Variants in DIP2C observed in about 807,000 individuals in gnomAD.
DIP2C encodes the protein DIP2 acetate--CoA ligase C (putative).
Under a neutral mutation model 192.4 loss-of-function variants are expected in DIP2C, and 33 were observed. That is an observed-to-expected ratio of 0.17 (90% CI 0.13 to 0.23). The LOEUF (loss-of-function observed/expected upper bound fraction) is 0.23, where lower values mean the gene tolerates loss of function less well. Ranked by LOEUF, DIP2C falls within the 10% of genes least tolerant of loss-of-function variation. The probability of loss-of-function intolerance (pLI) is 1.00; values close to 1 mark genes in which losing one functional copy is unlikely to be tolerated. For missense variants in DIP2C, 1,537 were observed against 2,110.1 expected, an observed-to-expected ratio of 0.73 and a Z score of 5.32; for synonymous variants, 979 against 864.1, an observed-to-expected ratio of 1.13 and a Z score of -2.33.
chr10:610,229 G>T (rs934733555), intron 1 of DIP2C, among the ~76,000 whole-genome samples: 3 of 152,170 alleles, frequency 2.0e-5, no homozygotes, highest in East Asian at 3.9e-4. Flanking sequence ...AAGAAATGGT[G>T]CATGTTCTCA....
intron 1 of DIP2C, among the ~76,000 whole-genome samples, chr10:607,746 C>T (rs1309320288): frequency 4.6e-5 from 7 of 152,242 alleles, no homozygotes; most frequent in Non-Finnish European, 7.4e-5. Flanking sequence ...ATCTGTATTG[C>T]GGCTTCTGTC....
At chr10:284,687 A>G (rs1418221596) in intron 34 of DIP2C, among the ~76,000 whole-genome samples, 1 of 152,244 alleles carries the variant, frequency 6.6e-6, no homozygotes, top group Non-Finnish European at 1.5e-5. Context: ...ACTACAGTTA[A>G]TAATACTATA....
At position 413,939 on chromosome 10, in the gene DIP2C, C is replaced by G; in HGVS notation, c.1031G>C (p.Gly344Ala). The G allele has an allele frequency of 6.2e-7, 1 of 1,614,110 alleles. No individual in the cohort carries two copies. Among genetic ancestry groups the G allele is most frequent in the Non-Finnish European group, 8.5e-7 (1 of 1,180,000 alleles). ...APCLTTMDTNGKPLYILTYGK... is the reference protein window; with the variant it reads ...APCLTTMDTNAKPLYILTYGK... The stretch of plus-strand genomic sequence containing the variant: ...GTAAGTGAGGATGTAGAGGGGCTTC[C>G]CGTTGGTGTCCATGGTGGTCAGGCA... Residue 344 changes from glycine (G) to alanine (A), a missense_variant, in exon 8 of 37, where the codon GGG (glycine) becomes GCG (alanine). Gly to Ala is a moderately conservative substitution (Grantham distance 60). Transcript: ENST00000280886.
intron 35 of DIP2C, among the ~76,000 whole-genome samples, chr10:282,525 G>A (rs1954883750): frequency 1.3e-5 from 2 of 152,238 alleles, no homozygotes; most frequent in Non-Finnish European, 2.9e-5. Context: ...GATCTCACCA[G>A]GAACCTCAAC....
intron 3 of DIP2C, among the ~76,000 whole-genome samples, chr10:470,160 CAGGT>C (rs1376308318): frequency 2.6e-5 from 4 of 152,086 alleles, no homozygotes; most frequent in South Asian, 2.1e-4. Flanking sequence ...GGATGATTGA[CAGGT>C]AGGTAAATAA....
chr10:521,272 A>C (rs961718991), intron 1 of DIP2C, among the ~76,000 whole-genome samples: 2 of 152,318 alleles, frequency 1.3e-5, no homozygotes, highest in East Asian at 3.9e-4. Flanking sequence ...AACAGCACCC[A>C]ACAACTGAAC....
intron 9 of DIP2C, among the ~76,000 whole-genome samples, chr10:406,105 A>T (rs1190747282): frequency 2.0e-5 from 3 of 152,238 alleles, no homozygotes; most frequent in Non-Finnish European, 2.9e-5. Context: ...TTATTTTGTG[A>T]TTATTATCAT....
chr10:326,573 G>A lies in DIP2C; in HGVS notation c.3924+433C>T, dbSNP rs1203395957. Among the ~76,000 whole-genome samples the A allele has an allele frequency of 2.6e-5, 4 of 152,204 alleles. 1 individual carries two copies. The South Asian group carries it at 6.2e-4, about 24-fold the overall frequency. On this transcript the variant is annotated intron_variant, in intron 31 of 36. Transcript: ENST00000280886. ...ACTTACGCCTGTTTCCCAGAAGTGC[G>A]GCTTTGCGGTTTCTAAAATGCCATT...
intron 17 of DIP2C, among the ~76,000 whole-genome samples, chr10:379,077 C>T (rs2132861053): frequency 6.6e-6 from 1 of 152,176 alleles, no homozygotes; most frequent in South Asian, 2.1e-4. Flanking sequence ...TGGCAGTGAC[C>T]TGCCTGCAGC....
intron 19 of DIP2C, among the ~76,000 whole-genome samples, chr10:365,923 C>A (rs892742808): frequency 1.3e-5 from 2 of 152,226 alleles, no homozygotes; most frequent in Non-Finnish European, 2.9e-5. Context: ...TAGCCCAGGC[C>A]AAGGGGCTGT....
chr10:680,870 C>T (rs1228663952), intron 1 of DIP2C, among the ~76,000 whole-genome samples: 1 of 152,286 alleles, frequency 6.6e-6, no homozygotes, highest in Non-Finnish European at 1.5e-5. Flanking sequence ...GTGCAGCCAC[C>T]GCCTGTGGCC....
chr10:649,618 C>T (rs1390882123), intron 1 of DIP2C, among the ~76,000 whole-genome samples: 2 of 152,180 alleles, frequency 1.3e-5, no homozygotes, highest in Non-Finnish European at 2.9e-5. Context: ...GGTTTTGTCA[C>T]GTTACAGCAA....
intron 1 of DIP2C, among the ~76,000 whole-genome samples, chr10:578,604 T>G (rs930092701): frequency 6.6e-6 from 1 of 152,230 alleles, no homozygotes; most frequent in Admixed American, 6.5e-5. Flanking sequence ...AATGAACAAC[T>G]GTTTTCATCC....
Position 390,267 on chromosome 10 carries a change from A to G in DIP2C, c.1491T>C (p.Ile497=), listed in dbSNP as rs1963355218. The G allele has an allele frequency of 1.1e-5, 18 of 1,613,834 alleles. No individual in the cohort carries two copies. The highest frequency in any genetic ancestry group is 1.4e-5 in the Non-Finnish European group (17 of 1,179,996). ...GAGGAGGCCAAGGCTGACTCACCTC[A>G]ATATACGCAGTGTCGTTATTGGCAT... is the stretch of plus-strand genomic sequence containing the variant. ...IKDANNDTAY[I]EYKTCKDGSV... is the part of the protein sequence containing the mutation. Residue 497 remains isoleucine, a synonymous_variant, in exon 12 of 37, where the codon ATT becomes ATC. Coordinates refer to ENST00000280886, the MANE Select transcript of DIP2C (RefSeq NM_014974.3).
chr10:454,895 T>C (rs760364770), intron 3 of DIP2C, among the ~76,000 whole-genome samples: 1 of 152,194 alleles, frequency 6.6e-6, no homozygotes, highest in African/African-American at 2.4e-5. Flanking sequence ...TCTAGATTAC[T>C]ATGTATATCC....
At chr10:442,651 C>T (rs541269695) in intron 3 of DIP2C, among the ~76,000 whole-genome samples, 11 of 152,310 alleles carry the variant, frequency 7.2e-5, no homozygotes, top group South Asian at 4.2e-4. Flanking sequence ...CTGCTCTCCC[C>T]GCTCCCCCAT....
At chr10:578,941 G>A (rs1475702587) in intron 1 of DIP2C, among the ~76,000 whole-genome samples, 2 of 152,090 alleles carry the variant, frequency 1.3e-5, no homozygotes, top group Admixed American at 6.5e-5. Flanking sequence ...TGTAACATGT[G>A]TACGTGCATA....
At chr10:384,839 G>T (rs549595330) in intron 14 of DIP2C, among the ~76,000 whole-genome samples, 200 bp from the exon 15 acceptor site, 1 of 151,310 alleles carries the variant, frequency 6.6e-6, no homozygotes, top group Non-Finnish European at 1.5e-5. Context: ...CATAGTGGAG[G>T]AGCAGCTCTC....
intron 1 of DIP2C, among the ~76,000 whole-genome samples, chr10:560,160 T>C (rs915348713): frequency 6.6e-6 from 1 of 151,968 alleles, no homozygotes; most frequent in Non-Finnish European, 1.5e-5. Flanking sequence ...AATGAGTCAA[T>C]AAAGCCAGTG....
Sources: gnomAD v4.1 joint callset for allele counts (sites outside exome capture counted in the v4.1 genomes callset) on GRCh38, gnomAD v4.1.1 for gene constraint, MANE v1.5 for transcripts, NCBI Gene and HGNC (gene_info 2026-07-23, HGNC 2026-07-21) for gene names.